SLC39A12: variants seen among roughly 807,000 people sequenced by gnomAD.
SLC39A12 encodes solute carrier family 39 member 12, also known as zinc transporter ZIP12.
SLC39A12 carries 63 observed loss-of-function variants against 71.1 expected under a neutral mutation model. The ratio of observed to expected loss-of-function variants is 0.89; its 90% CI spans 0.72 to 1.09. The LOEUF (loss-of-function observed/expected upper bound fraction) is 1.09, where lower values mean the gene tolerates loss of function less well. Ranked by LOEUF, SLC39A12 falls within the 50% of genes least tolerant of loss-of-function variation. SLC39A12 has a pLI of 0.00. For synonymous variants in SLC39A12, 351 were observed against 301.3 expected, an observed-to-expected ratio of 1.16 and a Z score of -1.71; for missense variants, 892 against 812.6, an observed-to-expected ratio of 1.10 and a Z score of -1.19.
chr10:18,042,633 G>T, intron 12 of SLC39A12, 72 bp from the exon 13 acceptor site: 1 of 1,481,622 alleles, frequency 6.7e-7, no homozygotes, highest in Non-Finnish European at 9.0e-7. Context: ...AGTCGCTCAT[G>T]TTTTCCCACC....
chr10:18,025,589 TTCC>T (rs1836655228), intron 12 of SLC39A12, among the ~76,000 whole-genome samples: 1 of 152,234 alleles, frequency 6.6e-6, no homozygotes, highest in African/African-American at 2.4e-5. Flanking sequence ...CTGCATAGTA[TTCC>T]ATGGTGTATA....
In SLC39A12 at chr10:18,036,681, A is replaced by G. The variant is rs1401193144; in HGVS notation, c.1948-6024A>G. Among the ~76,000 whole-genome samples the G allele has an allele frequency of 2.0e-5, 3 of 148,988 alleles. No homozygotes were observed. In the Admixed American group the frequency reaches 2.0e-4, roughly 10 times the overall value. On this transcript the variant is annotated intron_variant, in intron 12 of 12. Coordinates refer to ENST00000377369, the MANE Select transcript of SLC39A12 (RefSeq NM_001145195.2). The stretch of plus-strand genomic sequence containing the variant: ...GCCATCTTGGCTCCTCCCCCGTGAT[A>G]TCTTTTACAACAAAGGCAGCCTAAT...
intron 10 of SLC39A12, among the ~76,000 whole-genome samples, chr10:17,998,020 A>G (rs939260104): frequency 2.6e-5 from 4 of 152,186 alleles, no homozygotes; most frequent in Non-Finnish European, 4.4e-5. Context: ...TTGTTTTCAG[A>G]TGGAAACTCG....
At chr10:17,976,410 G>T (rs549655330) in intron 4 of SLC39A12, among the ~76,000 whole-genome samples, 26 of 152,120 alleles carry the variant, frequency 1.7e-4, no homozygotes, top group African/African-American at 6.3e-4. Flanking sequence ...ATCTTCTGTT[G>T]TAGTTGTTGT....
At chr10:17,997,509 T>C (rs572106270) in intron 10 of SLC39A12, among the ~76,000 whole-genome samples, 2 of 152,240 alleles carry the variant, frequency 1.3e-5, no homozygotes, top group East Asian at 1.9e-4. Context: ...TTCTCTTTGG[T>C]TGTGGTCTTG....
Position 17,993,187 on chromosome 10 carries a change from C to A in SLC39A12, c.1429C>A (p.Leu477Met), listed in dbSNP as rs1253153968. The change falls in exon 9 of 13, where the codon CTG (leucine) becomes ATG (methionine). Residue 477 changes from leucine (L) to methionine (M), a missense_variant. Physicochemically the swap from Leu to Met is conservative, Grantham distance 15 (BLOSUM62 2). Coordinates refer to ENST00000377369, the MANE Select transcript of SLC39A12 (RefSeq NM_001145195.2). Reference sequence around the variant, plus strand: ...TTAAACCATCCTCATCCAGCAGGGCCTGTCATTGGTTAATGGGCACGTGGG... The same window carrying A: ...TTAAACCATCCTCATCCAGCAGGGCATGTCATTGGTTAATGGGCACGTGGG... ...LLVSPNDKQGLSLVNGHVGHS... is the reference protein window; with the variant it reads ...LLVSPNDKQGMSLVNGHVGHS... 1.9e-6 allele frequency: 3 copies of A among 1,550,652 alleles called. No individual in the cohort carries two copies. The highest frequency in any genetic ancestry group is 2.0e-5 in the Admixed American group (1 of 50,930).
chr10:18,010,072 C>T (rs1380873883), intron 12 of SLC39A12, among the ~76,000 whole-genome samples: 1 of 152,142 alleles, frequency 6.6e-6, no homozygotes, highest in African/African-American at 2.4e-5. Context: ...GAATATTGAT[C>T]CCATTCCCTC....
rs756595075 is a variant in SLC39A12 at position 17,977,982 on chromosome 10, C to G, written c.832C>G (p.Gln278Glu). The G allele has an allele frequency of 6.2e-7, 1 of 1,611,490 alleles. No individual in the cohort carries two copies. The highest frequency in any genetic ancestry group is 1.1e-5 in the South Asian group (1 of 90,660). ...NEKIHQFQRK[Q>E]NNIITHDQDY... ...GAAAATCCATCAATTTCAAAGGAAACAAAACAACATAATAACCCATGATCA... is the reference window on the plus strand; with the variant it reads ...GAAAATCCATCAATTTCAAAGGAAAGAAAACAACATAATAACCCATGATCA... The change falls in exon 5 of 13, where the codon CAA (glutamine) becomes GAA (glutamate). Residue 278 changes from glutamine to glutamate, a missense_variant. Gln to Glu is a conservative substitution (Grantham distance 29, BLOSUM62 2). Transcript: ENST00000377369.
chr10:17,987,929 C>A (rs1835445825), intron 7 of SLC39A12, among the ~76,000 whole-genome samples: 1 of 152,100 alleles, frequency 6.6e-6, no homozygotes, highest in South Asian at 2.1e-4. Context: ...ATCCCAGTAC[C>A]ATGGAAGGCT....
intron 12 of SLC39A12, among the ~76,000 whole-genome samples, chr10:18,028,615 T>C (rs1305445259): frequency 6.6e-6 from 1 of 152,252 alleles, no homozygotes; most frequent in Non-Finnish European, 1.5e-5. Flanking sequence ...GTCTACTTTC[T>C]TTCCTGATGG....
chr10:18,042,651 T>C (rs1050208679), intron 12 of SLC39A12, 54 bp from the exon 13 acceptor site: 7 of 1,543,044 alleles, frequency 4.5e-6, no homozygotes, highest in African/African-American at 1.4e-5. Context: ...ACCAAGCTTT[T>C]CCCAGCAGTT....
At chr10:17,976,672 G>C (rs186874061) in intron 4 of SLC39A12, among the ~76,000 whole-genome samples, 1 of 152,062 alleles carries the variant, frequency 6.6e-6, no homozygotes, top group Non-Finnish European at 1.5e-5. Context: ...TGATCCACCC[G>C]CCTTGGCCTC....
Position 17,953,577 on chromosome 10 carries a change from CA to C in SLC39A12, c.261+44del, listed in dbSNP as rs782612267. On this transcript the variant is annotated intron_variant, in intron 2 of 12. Coordinates refer to ENST00000377369, the MANE Select transcript of SLC39A12 (RefSeq NM_001145195.2). ...ATGGGGTCAGGTATCAGGGCATGTC[CA>C]AAAGAAAGCAATGGATTCTATAGGG... The C allele has an allele frequency of 1.9e-6, 3 of 1,595,996 alleles. No individual in the cohort carries two copies. In the South Asian group the frequency reaches 3.4e-5, roughly 18 times the overall value.
intron 12 of SLC39A12, among the ~76,000 whole-genome samples, chr10:18,008,965 G>GA (rs548553713): frequency 2.6e-5 from 4 of 151,500 alleles, no homozygotes; most frequent in Non-Finnish European, 5.9e-5. Context: ...TGCTCAAATA[G>GA]AAAAAAAAGC....
intron 4 of SLC39A12, among the ~76,000 whole-genome samples, chr10:17,967,358 A>G (rs866531781): frequency 5.9e-5 from 9 of 152,216 alleles, no homozygotes; most frequent in Middle Eastern, 3.2e-3. Flanking sequence ...TATTGATGAT[A>G]GTTGCCTAGA....
chr10:17,966,590 A>C (rs1450948270), intron 4 of SLC39A12, among the ~76,000 whole-genome samples: 5 of 151,908 alleles, frequency 3.3e-5, no homozygotes, highest in African/African-American at 4.8e-5. Context: ...GGACTATAGG[A>C]GTGTGCTACT....
intron 9 of SLC39A12, 151 bp from the exon 10 acceptor site, chr10:17,995,505 T>A: frequency 1.5e-6 from 1 of 649,884 alleles, no homozygotes; most frequent in Non-Finnish European, 2.6e-6. Flanking sequence ...CAGCTCTACA[T>A]TGTGTGTGTC....
intron 12 of SLC39A12, among the ~76,000 whole-genome samples, chr10:18,020,894 C>A (rs1377128195): frequency 6.6e-6 from 1 of 152,020 alleles, no homozygotes; most frequent in Non-Finnish European, 1.5e-5. Context: ...GGATAGTTTG[C>A]AAATATTTTT....
chr10:17,972,622 A>G (rs992579198), intron 4 of SLC39A12, among the ~76,000 whole-genome samples: 10 of 152,052 alleles, frequency 6.6e-5, no homozygotes, highest in Admixed American at 2.0e-4. Flanking sequence ...TTGTCTTGAA[A>G]TCTATTGTGT....
Sources: gnomAD v4.1 joint callset for allele counts (sites outside exome capture counted in the v4.1 genomes callset) on GRCh38, gnomAD v4.1.1 for gene constraint, MANE v1.5 for transcripts, NCBI Gene and HGNC (gene_info 2026-07-23, HGNC 2026-07-21) for gene names.